ALDH1L1: variants seen among roughly 807,000 people sequenced by gnomAD.
The protein encoded by ALDH1L1 is aldehyde dehydrogenase 1 family member L1.
In ALDH1L1, 68 loss-of-function variants were observed where a neutral mutation model predicts 101.1. That is an observed-to-expected ratio of 0.67 (90% CI 0.55 to 0.82). The LOEUF (loss-of-function observed/expected upper bound fraction) is 0.82. Ranked by LOEUF, ALDH1L1 falls within the 40% of genes least tolerant of loss-of-function variation. The pLI is 0.00. For synonymous variants in ALDH1L1, 486 were observed against 470.8 expected (o/e 1.03, Z -0.42); for missense variants, 1,087 against 1,172.7 (o/e 0.93, Z 1.07).
At chr3:126,107,312 C>T (rs2108168818) in intron 20 of ALDH1L1, 66 bp from the exon 21 acceptor site, 1 of 1,375,084 alleles carries the variant, frequency 7.3e-7, no homozygotes, top group South Asian at 1.2e-5. Flanking sequence ...GCCTCTCCGT[C>T]AGCAGGGCCT....
chr3:126,130,166 C>T, intron 14 of ALDH1L1, 57 bp downstream of exon 14: 1 of 1,516,142 alleles, frequency 6.6e-7, no homozygotes, highest in Non-Finnish European at 8.9e-7. Flanking sequence ...TGCTACAGTT[C>T]CGTGTACTGC....
chr3:126,159,272 AG>A (rs1378037782), intron 2 of ALDH1L1: 28 of 382,158 alleles, frequency 7.3e-5, no homozygotes, highest in Non-Finnish European at 1.5e-5. Context: ...TACAGCCTGC[AG>A]GGCCCCTCCT....
chr3:126,186,523 G>T, upstream of ALDH1L1, among the ~76,000 whole-genome samples: 1 of 152,022 alleles, frequency 6.6e-6, no homozygotes, highest in African/African-American at 2.4e-5. Context: ...CTGACCCTGA[G>T]CCTGAGGGCT....
intron 7 of ALDH1L1, chr3:126,153,132 C>G (rs1173521480): frequency 7.1e-6 from 3 of 421,298 alleles, no homozygotes; most frequent in Non-Finnish European, 1.3e-5. Context: ...ACCCAGGCTC[C>G]CTGGGAGGGC....
At chr3:126,175,721 C>G (rs1181261025) in intron 1 of ALDH1L1, among the ~76,000 whole-genome samples, 1 of 152,094 alleles carries the variant, frequency 6.6e-6, no homozygotes, top group African/African-American at 2.4e-5. Context: ...CTATGAAAAA[C>G]CTACAGCTAA....
chr3:126,111,904 G>A (rs950316363), intron 19 of ALDH1L1, among the ~76,000 whole-genome samples: 3 of 152,230 alleles, frequency 2.0e-5, no homozygotes, highest in Non-Finnish European at 4.4e-5. Flanking sequence ...TGGCCTGGAT[G>A]AAGGATGGCT....
intron 1 of ALDH1L1, among the ~76,000 whole-genome samples, chr3:126,173,767 C>T (rs369316904): frequency 2.0e-5 from 3 of 152,034 alleles, no homozygotes; most frequent in East Asian, 1.9e-4. Context: ...AAAGATATAC[C>T]GTGCTACCAC....
intron 14 of ALDH1L1, 121 bp downstream of exon 14, chr3:126,130,102 T>A (rs2365002): frequency 1.1e-6 from 1 of 896,168 alleles, no homozygotes; most frequent in Admixed American, 3.7e-5. Context: ...AAGAAGCACA[T>A]GGATGGCTGT....
At chr3:126,116,513 T>G (rs930681419) in intron 17 of ALDH1L1, among the ~76,000 whole-genome samples, 7 of 152,182 alleles carry the variant, frequency 4.6e-5, no homozygotes, top group African/African-American at 1.7e-4. Flanking sequence ...TGACATTTCC[T>G]GAGCCCTCAC....
intron 1 of ALDH1L1, among the ~76,000 whole-genome samples, chr3:126,171,578 A>T (rs570254910): frequency 6.6e-6 from 1 of 152,282 alleles, no homozygotes; most frequent in South Asian, 2.1e-4. Flanking sequence ...TCTTTCTTTA[A>T]TTCTTACAGT....
chr3:126,119,871 G>A (rs962732576), intron 16 of ALDH1L1, among the ~76,000 whole-genome samples: 2 of 152,192 alleles, frequency 1.3e-5, no homozygotes, highest in African/African-American at 4.8e-5. Flanking sequence ...GTAAGCACCT[G>A]AAACAGTGCG....
At chr3:126,107,336 C>T (rs1945915048) in intron 20 of ALDH1L1, 90 bp from the exon 21 acceptor site, 1 of 1,051,802 alleles carries the variant, frequency 9.5e-7, no homozygotes. Flanking sequence ...CCACACCAGC[C>T]ACCTGCGGAT....
chr3:126,124,291 G>A (rs971230590), intron 16 of ALDH1L1, 73 bp downstream of exon 16: 27 of 1,368,136 alleles, frequency 2.0e-5, no homozygotes, highest in Non-Finnish European at 2.5e-5. Flanking sequence ...CCACTATCCA[G>A]TAGGGCCTGC....
chr3:126,106,222 G>A (rs1259450238), intron 21 of ALDH1L1, among the ~76,000 whole-genome samples: 1 of 152,178 alleles, frequency 6.6e-6, no homozygotes, highest in African/African-American at 2.4e-5. Flanking sequence ...CATGCAGAAG[G>A]ACCCACATGT....
intron 1 of ALDH1L1, among the ~76,000 whole-genome samples, chr3:126,191,874 C>G (rs1180588711): frequency 6.6e-6 from 1 of 152,170 alleles, no homozygotes; most frequent in Non-Finnish European, 1.5e-5. Flanking sequence ...AAGAGATAAT[C>G]TACATGCCAA....
intron 1 of ALDH1L1, among the ~76,000 whole-genome samples, chr3:126,163,197 T>C (rs184786753): frequency 3.9e-5 from 6 of 152,338 alleles, no homozygotes; most frequent in African/African-American, 1.4e-4. Context: ...TATACCTTCT[T>C]TGGAGCAATG....
At chr3:126,160,663 A>C (rs369616732) in intron 2 of ALDH1L1, among the ~76,000 whole-genome samples, 190 bp downstream of exon 2, 1 of 152,216 alleles carries the variant, frequency 6.6e-6, no homozygotes, top group East Asian at 1.9e-4. Flanking sequence ...GGGATCTCCA[A>C]TTTATTCCAG....
chr3:126,195,538 G>C (rs1447321645), intron 1 of ALDH1L1, among the ~76,000 whole-genome samples: 2 of 152,202 alleles, frequency 1.3e-5, no homozygotes, highest in Admixed American at 6.5e-5. Context: ...TTCAACCATT[G>C]TGGAAGACAG....
At chr3:126,150,020 G>A (rs1182627780) in intron 8 of ALDH1L1, among the ~76,000 whole-genome samples, 1 of 152,238 alleles carries the variant, frequency 6.6e-6, no homozygotes, top group East Asian at 1.9e-4. Flanking sequence ...TGGGCAGCTT[G>A]TGTTGGTCAC....
Sources: gnomAD v4.1 joint callset for allele counts (sites outside exome capture counted in the v4.1 genomes callset) on GRCh38, gnomAD v4.1.1 for gene constraint, MANE v1.5 for transcripts, NCBI Gene and HGNC (gene_info 2026-07-23, HGNC 2026-07-21) for gene names.